ABLIM1: variants seen among roughly 807,000 people sequenced by gnomAD.
The protein encoded by ABLIM1 is actin-binding LIM protein 1.
In ABLIM1, 40 loss-of-function variants were observed where a neutral mutation model predicts 107.0. The ratio of observed to expected loss-of-function variants is 0.37; its 90% CI spans 0.29 to 0.49. The LOEUF (loss-of-function observed/expected upper bound fraction) is 0.49. Ranked by LOEUF, ABLIM1 falls within the 20% of genes least tolerant of loss-of-function variation. The pLI, the probability that ABLIM1 is intolerant of heterozygous loss-of-function variation, is 0.97. For synonymous variants in ABLIM1, 357 were observed against 357.3 expected, an observed-to-expected ratio of 1.00 and a Z score of 0.01; for missense variants, 857 against 1,008.5, an observed-to-expected ratio of 0.85 and a Z score of 2.04.
intron 6 of ABLIM1, among the ~76,000 whole-genome samples, chr10:114,540,333 TAAAGA>T (rs1405178303): frequency 6.6e-6 from 1 of 152,110 alleles, no homozygotes; most frequent in East Asian, 1.9e-4. Context: ...TTCTTGCACT[TAAAGA>T]AAAGAAAACT....
At chr10:114,517,620 G>GA (rs1182522816) in intron 6 of ABLIM1, among the ~76,000 whole-genome samples, 10 of 152,256 alleles carry the variant, frequency 6.6e-5, no homozygotes, top group Admixed American at 4.6e-4. Context: ...GCGGGGAGGG[G>GA]GGCCACAGTA....
intron 1 of ABLIM1, among the ~76,000 whole-genome samples, chr10:114,637,981 G>A (rs1455671804): frequency 6.6e-6 from 1 of 152,178 alleles, no homozygotes; most frequent in African/African-American, 2.4e-5. Context: ...TGCCTTCCCT[G>A]ACAACACTCC....
chr10:114,772,076 A>C (rs1591975694), upstream of ABLIM1, among the ~76,000 whole-genome samples: 1 of 152,198 alleles, frequency 6.6e-6, no homozygotes, highest in East Asian at 1.9e-4. Flanking sequence ...TCAAGCTTAA[A>C]GGCACACTGA....
chr10:114,485,464 C>A lies in ABLIM1; in HGVS notation c.1041+2494G>T. The A allele has an allele frequency of 3.2e-6, 4 of 1,237,344 alleles. No homozygotes were observed. In the East Asian group the frequency reaches 8.1e-5, roughly 25 times the overall value. 76.6% of individuals were successfully genotyped at this position (1,237,344 alleles called of 1,614,324 possible). On this transcript the variant is annotated intron_variant, in intron 8 of 22. Transcript: ENST00000533213. Reference sequence around the variant, plus strand: ...AATTATTTTAAAAAATAAAACAAAACAACAACCACCTTAGGTAAAACTAAC... The same window carrying A: ...AATTATTTTAAAAAATAAAACAAAAAAACAACCACCTTAGGTAAAACTAAC...
At chr10:114,677,896 A>C (rs991579674) in intron 1 of ABLIM1, among the ~76,000 whole-genome samples, 1 of 152,268 alleles carries the variant, frequency 6.6e-6, no homozygotes, top group Non-Finnish European at 1.5e-5. Flanking sequence ...ACAGTATTCC[A>C]GGCTTCATTC....
intron 1 of ABLIM1, among the ~76,000 whole-genome samples, chr10:114,637,504 G>A (rs57123094): frequency 0.015 from 2,284 of 152,178 alleles, 56 homozygotes; most frequent in African/African-American, 0.051. Context: ...ATCAATGCCC[G>A]GCAAAGTTCT....
the ABLIM1 span, among the ~76,000 whole-genome samples, chr10:114,798,115 T>A: frequency 6.6e-6 from 1 of 152,218 alleles, no homozygotes; most frequent in Non-Finnish European, 1.5e-5. Context: ...GCCTTATATA[T>A]TTTTTATATA....
At chr10:114,447,314 T>A (rs759697373) in intron 15 of ABLIM1, among the ~76,000 whole-genome samples, 14 of 152,240 alleles carry the variant, frequency 9.2e-5, no homozygotes, top group Non-Finnish European at 1.5e-4. Flanking sequence ...TAAAATCACA[T>A]AACTTCACAG....
rs188767988 is a variant in ABLIM1, at chr10:114,464,801, T to C, written c.1441+897A>G. Among the ~76,000 whole-genome samples, 29 of 152,348 alleles carry C rather than the reference T, an allele frequency of 1.9e-4. No homozygotes were observed. The East Asian group carries it at 5.0e-3, about 26-fold the overall frequency. On this transcript the variant is annotated intron_variant, in intron 12 of 22. Transcript: ENST00000533213. The stretch of plus-strand genomic sequence containing the variant: ...AATTTATTTTTAAAAAGGTAGCATA[T>C]GGGTTTGCTCTCATCTATGCGTCCA...
the ABLIM1 span, among the ~76,000 whole-genome samples, chr10:114,793,165 A>C: frequency 1.3e-5 from 2 of 152,260 alleles, no homozygotes; most frequent in East Asian, 3.9e-4. Flanking sequence ...AAAAATAAAA[A>C]GAAAAAAAGA....
chr10:114,793,319 A>C, the ABLIM1 span, among the ~76,000 whole-genome samples: 2 of 151,746 alleles, frequency 1.3e-5, no homozygotes, highest in East Asian at 3.9e-4. Context: ...GGTTGTCTGA[A>C]AGTGCGTGGC....
chr10:114,448,742 T>C (rs1387047721), intron 14 of ABLIM1, among the ~76,000 whole-genome samples: 1 of 152,070 alleles, frequency 6.6e-6, no homozygotes, highest in Non-Finnish European at 1.5e-5. Flanking sequence ...GCCTCCCAAG[T>C]AGGTGGGATT....
chr10:114,684,191 T>A (rs2141617617), intron 1 of ABLIM1: 1 of 1,264,344 alleles, frequency 7.9e-7, no homozygotes, highest in South Asian at 1.7e-5. Flanking sequence ...TGTAAAACAA[T>A]TTTATCAAAT....
At chr10:114,731,802 G>T (rs1190464365) in intron 1 of ABLIM1, among the ~76,000 whole-genome samples, 1 of 152,082 alleles carries the variant, frequency 6.6e-6, no homozygotes, top group East Asian at 1.9e-4. Context: ...TAGAGACAGG[G>T]TTTCACCATG....
chr10:114,473,954 A>T lies in ABLIM1; in HGVS notation c.1044T>A (p.Pro348=). The change falls in exon 9 of 23, where the codon CCT becomes CCA. Residue 348 remains proline (P), a splice_region_variant and synonymous_variant. Coordinates refer to ENST00000533213, the MANE Select transcript of ABLIM1 (RefSeq NM_002313.7). ...AAATACTTTCCGAGGATGTCCTGGTAGGCTGTAAAATAAACAGTGACTTGT... is the reference window on the plus strand; with the variant it reads ...AAATACTTTCCGAGGATGTCCTGGTTGGCTGTAAAATAAACAGTGACTTGT... ...QSTKTEEKLR[P]TRTSSESIYS... is the part of the protein sequence containing the mutation. The T allele has an allele frequency of 6.2e-7, 1 of 1,613,272 alleles. No homozygotes were observed. The highest frequency in any genetic ancestry group is 8.5e-7 in the Non-Finnish European group (1 of 1,179,412).
At chr10:114,552,491 GAA>G (rs68058352) in intron 4 of ABLIM1, among the ~76,000 whole-genome samples, 18 of 120,652 alleles carry the variant, frequency 1.5e-4, no homozygotes, top group African/African-American at 2.7e-4. Context: ...ACCTAACATG[GAA>G]AAAAAAAAAA....
chr10:114,529,142 T>C (rs1239171298), intron 6 of ABLIM1, among the ~76,000 whole-genome samples: 8 of 151,780 alleles, frequency 5.3e-5, no homozygotes, highest in Non-Finnish European at 1.2e-4. Flanking sequence ...TTTTTTTTTT[T>C]TGAGACAGAG....
At chr10:114,677,432 T>C (rs532678397) in intron 1 of ABLIM1, among the ~76,000 whole-genome samples, 2 of 152,144 alleles carry the variant, frequency 1.3e-5, no homozygotes, top group Non-Finnish European at 2.9e-5. Context: ...CCACCTTTCC[T>C]AAAGCTACAC....
At chr10:114,762,219 G>A (rs1403224983) in intron 1 of ABLIM1, among the ~76,000 whole-genome samples, 1 of 152,048 alleles carries the variant, frequency 6.6e-6, no homozygotes. Context: ...TTTTTTAGTA[G>A]AGATGGGGTT....
Sources: gnomAD v4.1 joint callset for allele counts (sites outside exome capture counted in the v4.1 genomes callset) on GRCh38, gnomAD v4.1.1 for gene constraint, MANE v1.5 for transcripts, NCBI Gene and HGNC (gene_info 2026-07-23, HGNC 2026-07-21) for gene names.